The following TSPAN12 variants were observed in gnomAD, a reference collection of about 807,000 sequenced individuals.
TSPAN12 encodes tetraspanin 12.
In TSPAN12, 19 loss-of-function variants were observed where a neutral mutation model predicts 39.2. That is an observed-to-expected ratio of 0.49 (90% CI 0.34 to 0.71). The LOEUF (loss-of-function observed/expected upper bound fraction) is 0.71. Among genes scored for constraint, TSPAN12 ranks in the 30% least tolerant of loss-of-function variants. The pLI, the probability that TSPAN12 is intolerant of heterozygous loss-of-function variation, is 0.01. For missense variants in TSPAN12, 314 were observed against 359.9 expected, an observed-to-expected ratio of 0.87 and a Z score of 1.03; for synonymous variants, 119 against 124.8, an observed-to-expected ratio of 0.95 and a Z score of 0.31.
chr7:120,838,934 A>G (rs763075900), intron 3 of TSPAN12, 22 bp from the exon 4 acceptor site: 36 of 1,612,740 alleles, frequency 2.2e-5, no homozygotes, highest in Non-Finnish European at 3.1e-5. Context: ...AAAATAATGT[A>G]TTAGAAAGAA....
chr7:120,818,646 A>T lies in TSPAN12; in HGVS notation c.286-2843T>A, dbSNP rs187950611. Among the ~76,000 whole-genome samples, 17 of 152,252 alleles carry T rather than the reference A, an allele frequency of 1.1e-4. No individual in the cohort carries two copies. The East Asian group carries it at 3.3e-3, about 29-fold the overall frequency. ...TCATATTTCTTTCATATAAAAAATAAAGAATATATAACTGCATAATCTCTC... is the reference window on the plus strand; with the variant it reads ...TCATATTTCTTTCATATAAAAAATATAGAATATATAACTGCATAATCTCTC... On this transcript the variant is annotated intron_variant, in intron 4 of 7. Coordinates refer to ENST00000222747, the MANE Select transcript of TSPAN12 (RefSeq NM_012338.4).
At chr7:120,841,227 C>T (rs185193112) in intron 2 of TSPAN12, among the ~76,000 whole-genome samples, 1 of 152,240 alleles carries the variant, frequency 6.6e-6, no homozygotes, top group East Asian at 1.9e-4. Context: ...CACAGAAATT[C>T]CTATGAAGTA....
intron 7 of TSPAN12, among the ~76,000 whole-genome samples, chr7:120,804,093 T>C (rs1793825408): frequency 6.6e-6 from 1 of 152,146 alleles, no homozygotes; most frequent in Non-Finnish European, 1.5e-5. Context: ...TATACCATAA[T>C]GTTGTGGCCC....
chr7:120,825,892 A>AT (rs1794276362), intron 4 of TSPAN12, among the ~76,000 whole-genome samples: 1 of 152,206 alleles, frequency 6.6e-6, no homozygotes, highest in Non-Finnish European at 1.5e-5. Context: ...CACCACGTCA[A>AT]TATCTCTCTA....
At chr7:120,816,346 C>T (rs1794081887) in intron 4 of TSPAN12, among the ~76,000 whole-genome samples, 1 of 141,544 alleles carries the variant, frequency 7.1e-6, no homozygotes, top group South Asian at 2.6e-4. Flanking sequence ...TATCAAAATT[C>T]TGATAAGGCA....
At chr7:120,800,581 A>C (rs1445795726) in intron 7 of TSPAN12, among the ~76,000 whole-genome samples, 1 of 151,584 alleles carries the variant, frequency 6.6e-6, no homozygotes, top group Non-Finnish European at 1.5e-5. Context: ...CCTCTTAATG[A>C]TTTTCCATCC....
chr7:120,788,696 A>G lies in TSPAN12; in HGVS notation c.814T>C (p.Ser272Pro). ...SLKNDNSQHL[S>P]CPSVELLKPS... is the part of the protein sequence containing the mutation. Reference sequence around the variant, plus strand: ...TTCAACAGTTCTACTGAGGGACATGACAGGTGCTGAGAGTTGTCATTCTTC... The same window carrying G: ...TTCAACAGTTCTACTGAGGGACATGGCAGGTGCTGAGAGTTGTCATTCTTC... Residue 272 changes from serine (S) to proline (P), a missense_variant, in exon 8 of 8, where the codon TCA (serine) becomes CCA (proline). Ser to Pro is a moderately conservative substitution (Grantham distance 74). Coordinates refer to ENST00000222747, the MANE Select transcript of TSPAN12 (RefSeq NM_012338.4). 1 of 1,614,148 alleles carries G rather than the reference A, an allele frequency of 6.2e-7. No individual in the cohort carries two copies. The highest frequency in any genetic ancestry group is 8.5e-7 in the Non-Finnish European group (1 of 1,180,016).
intron 5 of TSPAN12, chr7:120,813,997 CTACT>C (rs929592309): frequency 2.0e-5 from 5 of 247,680 alleles, no homozygotes; most frequent in Admixed American, 1.1e-4. Flanking sequence ...GGAACTCTCT[CTACT>C]TACTTAGTGC....
At chr7:120,805,597 C>G (rs889160669) in intron 7 of TSPAN12, among the ~76,000 whole-genome samples, 6 of 152,054 alleles carry the variant, frequency 3.9e-5, no homozygotes, top group East Asian at 1.9e-4. Flanking sequence ...ATCCCAACCC[C>G]TTAGCCTAAG....
chr7:120,804,635 C>G (rs559449931), intron 7 of TSPAN12, among the ~76,000 whole-genome samples: 2 of 152,214 alleles, frequency 1.3e-5, no homozygotes, highest in Middle Eastern at 3.4e-3. Flanking sequence ...AATTATTCAA[C>G]TGTTTGAATA....
chr7:120,814,142 A>G, intron 5 of TSPAN12: 1 of 454,632 alleles, frequency 2.2e-6, no homozygotes, highest in South Asian at 1.6e-5. Context: ...TATTCAAAAC[A>G]GTCTCGAAGC....
At position 120,848,030 on chromosome 7, in the gene TSPAN12, A is replaced by G. The variant is rs552270407; in HGVS notation, c.67-7921T>C. On this transcript the variant is annotated intron_variant, in intron 2 of 7. Transcript: ENST00000222747. ...TGGAAAACAACAAAACTGCTTGCAC[A>G]TCTCCAAAATGCACCATGCACACCT... 3.3e-5 allele frequency among the ~76,000 whole-genome samples: 5 copies of G among 152,258 alleles called. No individual in the cohort carries two copies. In the East Asian group the frequency reaches 9.7e-4, roughly 29 times the overall value.
chr7:120,811,650 A>G (rs953186729), intron 5 of TSPAN12, among the ~76,000 whole-genome samples: 2 of 151,214 alleles, frequency 1.3e-5, no homozygotes, highest in African/African-American at 4.9e-5. Context: ...AGCCTGGGTG[A>G]CAGAGCGAGA....
At chr7:120,817,308 G>A (rs977922789) in intron 4 of TSPAN12, among the ~76,000 whole-genome samples, 1 of 152,008 alleles carries the variant, frequency 6.6e-6, no homozygotes, top group African/African-American at 2.4e-5. Context: ...AGGATCACTT[G>A]AGCCCAGGAG....
intron 2 of TSPAN12, among the ~76,000 whole-genome samples, chr7:120,846,474 T>C (rs2116489308): frequency 6.6e-6 from 1 of 152,274 alleles, no homozygotes; most frequent in South Asian, 2.1e-4. Context: ...TACAATTCAT[T>C]ATCAGTTTAG....
At chr7:120,857,476 A>C (rs1794896280) in intron 1 of TSPAN12, 1 of 138,648 alleles carries the variant, frequency 7.2e-6, no homozygotes, top group Non-Finnish European at 1.6e-5. Context: ...TTTCGGCCCC[A>C]GAATGATGGA....
At chr7:120,799,538 A>T (rs1332213514) in intron 7 of TSPAN12, among the ~76,000 whole-genome samples, 1 of 105,470 alleles carries the variant, frequency 9.5e-6, no homozygotes, top group Non-Finnish European at 1.8e-5. Flanking sequence ...ATATAATTAT[A>T]TATAATTATA....
intron 2 of TSPAN12, among the ~76,000 whole-genome samples, chr7:120,848,606 T>A (rs562481266): frequency 6.6e-6 from 1 of 152,350 alleles, no homozygotes; most frequent in South Asian, 2.1e-4. Flanking sequence ...TACTTTAAAC[T>A]AAAACTTTGC....
chr7:120,834,757 T>C (rs988701842), intron 4 of TSPAN12, among the ~76,000 whole-genome samples: 2 of 152,166 alleles, frequency 1.3e-5, no homozygotes, highest in Admixed American at 1.3e-4. Context: ...GTTTAAATAT[T>C]TACATCCAAA....
Sources: allele counts gnomAD v4.1 joint callset (sites outside exome capture counted in the v4.1 genomes callset), GRCh38; gene constraint gnomAD v4.1.1; transcripts MANE v1.5; gene names NCBI Gene and HGNC (gene_info 2026-07-23, HGNC 2026-07-21).